Variants in KDM2A observed in about 807,000 individuals in gnomAD.
KDM2A encodes the protein lysine-specific demethylase 2A.
Under a neutral mutation model 137.3 loss-of-function variants are expected in KDM2A, and 3 were observed. The ratio of observed to expected loss-of-function variants is 0.02; its 90% CI spans 0.01 to 0.06. The LOEUF (loss-of-function observed/expected upper bound fraction) is 0.06, where lower values mean the gene tolerates loss of function less well. Among genes scored for constraint, KDM2A ranks in the 10% least tolerant of loss-of-function variants. KDM2A has a pLI of 1.00. For synonymous variants in KDM2A, 512 were observed against 541.5 expected (o/e 0.95, Z 0.76); for missense variants, 738 against 1,510.6 (o/e 0.49, Z 8.48).
chr11:67,124,524 G>A (rs943294253), intron 2 of KDM2A, among the ~76,000 whole-genome samples: 7 of 150,918 alleles, frequency 4.6e-5, no homozygotes, highest in African/African-American at 1.7e-4. Context: ...ATATTGGCAG[G>A]CTGGTGTCGA....
intron 3 of KDM2A, among the ~76,000 whole-genome samples, chr11:67,181,097 G>T (rs1173651513): frequency 6.6e-6 from 1 of 151,694 alleles, no homozygotes; most frequent in African/African-American, 2.4e-5. Flanking sequence ...TTTAGACTTG[G>T]AATATAGACT....
chr11:67,190,985 T>C lies in KDM2A; in HGVS notation c.307+9093T>C, dbSNP rs1344470333. On this transcript the variant is annotated intron_variant, in intron 5 of 20. Coordinates refer to ENST00000529006, the MANE Select transcript of KDM2A (RefSeq NM_012308.3). ...TTGGTGGTGAATTCTACCAAACATT[T>C]AAAGAGGAACTAACACCAATTCTTC... Among the ~76,000 whole-genome samples the C allele has an allele frequency of 3.3e-5, 5 of 152,172 alleles. No individual in the cohort carries two copies. The East Asian group carries it at 9.6e-4, about 29-fold the overall frequency.
intron 15 of KDM2A, among the ~76,000 whole-genome samples, 176 bp from the exon 16 acceptor site, chr11:67,248,105 C>T (rs897958219): frequency 1.3e-5 from 2 of 152,200 alleles, no homozygotes; most frequent in Admixed American, 1.3e-4. Context: ...GAACCTGTGC[C>T]GCACTGTCAA....
At chr11:67,121,388 C>A in intron 2 of KDM2A, 30 bp downstream of exon 2, 1 of 1,603,664 alleles carries the variant, frequency 6.2e-7, no homozygotes. Context: ...ACCACACCCT[C>A]CAGTTTTAAA....
chr11:67,127,457 A>G (rs1168419367), intron 2 of KDM2A, among the ~76,000 whole-genome samples: 1 of 152,026 alleles, frequency 6.6e-6, no homozygotes, highest in East Asian at 1.9e-4. Context: ...AGTTTTTAGC[A>G]CTTTCACCTA....
At chr11:67,164,644 G>T (rs1856701520) in intron 2 of KDM2A, among the ~76,000 whole-genome samples, 1 of 151,316 alleles carries the variant, frequency 6.6e-6, no homozygotes, top group South Asian at 2.1e-4. Context: ...TTTTGGAAAC[G>T]ACATCTTGCT....
chr11:67,175,486 T>C (rs1029203374), intron 2 of KDM2A, among the ~76,000 whole-genome samples: 1 of 152,178 alleles, frequency 6.6e-6, no homozygotes, highest in Non-Finnish European at 1.5e-5. Context: ...AACTTTCCAG[T>C]TGCAATAATC....
At position 67,254,416 on chromosome 11, in the gene KDM2A, C is replaced by G; in HGVS notation, c.3305C>G (p.Ala1102Gly). 1 of 1,613,276 alleles carries G rather than the reference C, an allele frequency of 6.2e-7. No homozygotes were observed. Among genetic ancestry groups the G allele is most frequent in the Non-Finnish European group, 8.5e-7 (1 of 1,179,332 alleles). ...TACTCTCTCACAGAGCTCAATATGG[C>G]AGGTATGCCGCTACAGTTGTTCATA... ...TRYSLTELNM[A>G]GCNKLTDQTL... Residue 1102 changes from alanine to glycine, a missense_variant and splice_region_variant, in exon 20 of 21, where the codon GCA (alanine) becomes GGA (glycine). Transcript: ENST00000529006. This position sits in a 1 kb window ranked among gnomAD's most constrained non-coding sequence, Gnocchi z 4.7.
At chr11:67,216,791 A>C (rs140001390) in intron 8 of KDM2A, among the ~76,000 whole-genome samples, 2,031 of 152,276 alleles carry the variant, frequency 0.013, 44 homozygotes, top group African/African-American at 0.047. Context: ...GTGGTGGTAC[A>C]TGCCTATAAT....
At chr11:67,163,459 C>G (rs893691011) in intron 2 of KDM2A, among the ~76,000 whole-genome samples, 2 of 152,104 alleles carry the variant, frequency 1.3e-5, no homozygotes, top group African/African-American at 4.8e-5. Flanking sequence ...ACATTTAATG[C>G]CATTGGAGAA....
chr11:67,127,411 A>G (rs1015575877), intron 2 of KDM2A, among the ~76,000 whole-genome samples: 6 of 151,932 alleles, frequency 3.9e-5, no homozygotes, highest in Non-Finnish European at 8.8e-5. Context: ...GTGAGCCACT[A>G]TGCCTGGTGT....
At chr11:67,215,292 C>A in intron 6 of KDM2A, 48 bp from the exon 7 acceptor site, 2 of 1,246,556 alleles carry the variant, frequency 1.6e-6, no homozygotes, top group Non-Finnish European at 2.3e-6. Context: ...TTATCTTTGA[C>A]CCCAACCTTT....
chr11:67,213,331 G>A (rs1411435987), intron 6 of KDM2A, among the ~76,000 whole-genome samples: 2 of 152,212 alleles, frequency 1.3e-5, no homozygotes, highest in Non-Finnish European at 2.9e-5. Context: ...ATTCATGGTG[G>A]TTTGGCTCTC....
At chr11:67,171,592 G>A (rs1331943694) in intron 2 of KDM2A, among the ~76,000 whole-genome samples, 1 of 152,114 alleles carries the variant, frequency 6.6e-6, no homozygotes, top group African/African-American at 2.4e-5. Context: ...CTTTTTTGTT[G>A]TTTTTCTGCT....
Position 67,250,188 on chromosome 11 carries a change from A to G in KDM2A, c.2158A>G (p.Thr720Ala), listed in dbSNP as rs1460345324. 1 of 1,613,724 alleles carries G rather than the reference A, an allele frequency of 6.2e-7. No homozygotes were observed. The highest frequency in any genetic ancestry group is 2.2e-5 in the East Asian group (1 of 44,860). ...TCTCACGCCCCCGCCTCATTCACCC[A>G]CTTCCATGCTGCAGCTCATCCATGA... ...EPLTPPPHSP[T>A]SMLQLIHDPV... The change falls in exon 17 of 21, where the codon ACT becomes GCT. Residue 720 changes from threonine to alanine, a missense_variant. By Grantham distance (58) the Thr-to-Ala change is moderately conservative (BLOSUM62 0). This residue lies in a region of KDM2A where 244 missense variants were observed against 324.6 expected (regional missense o/e 0.75). Coordinates refer to ENST00000529006, the MANE Select transcript of KDM2A (RefSeq NM_012308.3). The surrounding 1 kb of genome is among the most constrained non-coding windows in gnomAD (Gnocchi z 7.1).
At chr11:67,197,951 TTA>T (rs1156870925) in intron 5 of KDM2A, among the ~76,000 whole-genome samples, 1 of 152,166 alleles carries the variant, frequency 6.6e-6, no homozygotes, top group Non-Finnish European at 1.5e-5. Flanking sequence ...TTAACATATT[TTA>T]TGTTATACAT....
intron 11 of KDM2A, among the ~76,000 whole-genome samples, chr11:67,228,701 AAAG>A (rs1359737822): frequency 1.1e-4 from 15 of 140,256 alleles, no homozygotes; most frequent in Admixed American, 9.5e-4. Flanking sequence ...AAAAAAAAAA[AAAG>A]AAAGAAAGAA....
intron 12 of KDM2A, among the ~76,000 whole-genome samples, chr11:67,233,436 G>A (rs1274810554): frequency 1.5e-5 from 2 of 136,870 alleles, no homozygotes; most frequent in Non-Finnish European, 3.1e-5. Flanking sequence ...GGTAGATCAC[G>A]AGGTCAGGAG....
At chr11:67,123,237 A>G (rs1855639464) in intron 2 of KDM2A, among the ~76,000 whole-genome samples, 1 of 148,998 alleles carries the variant, frequency 6.7e-6, no homozygotes, top group Non-Finnish European at 1.5e-5. Flanking sequence ...TGGCATCCCA[A>G]AGTGCTGGGA....
Sources: allele counts gnomAD v4.1 joint callset (sites outside exome capture counted in the v4.1 genomes callset), GRCh38; gene constraint gnomAD v4.1.1; regional missense constraint gnomAD v4.1.1; non-coding constraint Gnocchi (gnomAD v3.1); transcripts MANE v1.5; gene names NCBI Gene and HGNC (gene_info 2026-07-23, HGNC 2026-07-21).